Variants in HEMK2 observed in about 807,000 individuals in gnomAD.
The protein encoded by HEMK2 is HemK methyltransferase 2, ETF1 glutamine and histone H4 lysine.
the HEMK2 span, among the ~76,000 whole-genome samples, chr21:28,838,348 C>T: frequency 1.3e-5 from 2 of 151,446 alleles, no homozygotes; most frequent in Non-Finnish European, 2.9e-5. Flanking sequence ...TCCTGGCTAA[C>T]AAGGTGAAAC....
the HEMK2 span, among the ~76,000 whole-genome samples, chr21:28,866,151 AAAACAAAAACAAAC>A: frequency 4.7e-5 from 4 of 84,530 alleles, no homozygotes; most frequent in Non-Finnish European, 9.9e-5. Context: ...CTCTACAGAA[AAAACAAAAACAAAC>A]AAAAAAAAAA....
At chr21:28,821,553 G>T in the HEMK2 span, among the ~76,000 whole-genome samples, 3,994 of 152,152 alleles carry the variant, frequency 0.026, 178 homozygotes, top group African/African-American at 0.09. Context: ...CTTTTCCACC[G>T]CACCCCTTTA....
At chr21:28,583,183 C>A in the HEMK2 span, among the ~76,000 whole-genome samples, 4 of 152,008 alleles carry the variant, frequency 2.6e-5, no homozygotes, top group Admixed American at 2.6e-4. Flanking sequence ...GATGAAAATA[C>A]ATTTCTAAAT....
the HEMK2 span, among the ~76,000 whole-genome samples, chr21:28,805,193 C>T: frequency 0.042 from 6,362 of 152,194 alleles, 192 homozygotes; most frequent in East Asian, 0.16. Flanking sequence ...GCTATAAAGC[C>T]GACTTTATCA....
At chr21:28,787,691 C>T in the HEMK2 span, among the ~76,000 whole-genome samples, 3 of 151,964 alleles carry the variant, frequency 2.0e-5, no homozygotes, top group Non-Finnish European at 4.4e-5. Flanking sequence ...TGTCCATAAT[C>T]AAAAAATGAA....
the HEMK2 span, among the ~76,000 whole-genome samples, chr21:28,785,150 T>A: frequency 2.3e-3 from 348 of 152,060 alleles, 2 homozygotes; most frequent in African/African-American, 8.0e-3. Context: ...TCCAAACACA[T>A]CCAAACATCA....
At chr21:28,585,346 T>A in the HEMK2 span, among the ~76,000 whole-genome samples, 1 of 150,468 alleles carries the variant, frequency 6.6e-6, no homozygotes, top group Non-Finnish European at 1.5e-5. Flanking sequence ...AATAAATAAA[T>A]AAATAAATAA....
the HEMK2 span, among the ~76,000 whole-genome samples, chr21:28,841,093 ATTATATAT>A: frequency 2.3e-5 from 1 of 43,252 alleles, no homozygotes; most frequent in Admixed American, 4.4e-4. Context: ...TATTATATAT[ATTATATAT>A]TATATAATAA....
chr21:28,621,296 T>TTAAA, the HEMK2 span, among the ~76,000 whole-genome samples: 2 of 152,188 alleles, frequency 1.3e-5, no homozygotes, highest in South Asian at 4.1e-4. Flanking sequence ...AAAAACTTAT[T>TTAAA]TATTTCTGCC....
At chr21:28,804,515 G>A in the HEMK2 span, among the ~76,000 whole-genome samples, 2 of 152,112 alleles carry the variant, frequency 1.3e-5, no homozygotes, top group South Asian at 2.1e-4. Flanking sequence ...CAAGAGGATC[G>A]TTTGAGCCCA....
the HEMK2 span, among the ~76,000 whole-genome samples, chr21:28,590,142 T>G: frequency 6.6e-6 from 1 of 152,342 alleles, no homozygotes; most frequent in South Asian, 2.1e-4. Context: ...TGTTTTTTGC[T>G]TATTCTTTGC....
chr21:28,832,577 G>C, the HEMK2 span, among the ~76,000 whole-genome samples: 4 of 152,198 alleles, frequency 2.6e-5, no homozygotes, highest in Non-Finnish European at 5.9e-5. Flanking sequence ...AAATTGAGAA[G>C]ATTGTTCTGA....
chr21:28,684,341 C>T, the HEMK2 span, among the ~76,000 whole-genome samples: 1,354 of 152,340 alleles, frequency 8.9e-3, 24 homozygotes, highest in African/African-American at 0.031. Context: ...GAAGTTTTCA[C>T]TGGACCAATT....
At chr21:28,590,616 C>G in the HEMK2 span, among the ~76,000 whole-genome samples, 4 of 152,272 alleles carry the variant, frequency 2.6e-5, no homozygotes, top group Admixed American at 1.3e-4. Flanking sequence ...AGAAAAGACA[C>G]AGCATTAAAT....
the HEMK2 span, among the ~76,000 whole-genome samples, chr21:28,652,257 C>T: frequency 6.6e-6 from 1 of 152,186 alleles, no homozygotes; most frequent in Non-Finnish European, 1.5e-5. Context: ...GGCATTCACT[C>T]TCCCCTCTTC....
chr21:28,684,390 C>G, the HEMK2 span, among the ~76,000 whole-genome samples: 3 of 152,156 alleles, frequency 2.0e-5, no homozygotes, highest in Non-Finnish European at 4.4e-5. Context: ...CTAGGCTAAA[C>G]GGAAAAACAA....
At chr21:28,762,324 C>G in the HEMK2 span, among the ~76,000 whole-genome samples, 2 of 151,850 alleles carry the variant, frequency 1.3e-5, no homozygotes, top group African/African-American at 4.8e-5. Context: ...TTTTTAAATG[C>G]CTACAATATT....
the HEMK2 span, among the ~76,000 whole-genome samples, chr21:28,693,769 A>G: frequency 1.3e-5 from 2 of 152,232 alleles, no homozygotes; most frequent in Non-Finnish European, 2.9e-5. Flanking sequence ...TAACAGTGAC[A>G]CATTGGCAAT....
chr21:28,684,888 T>G, the HEMK2 span, among the ~76,000 whole-genome samples: 1,219 of 152,288 alleles, frequency 8.0e-3, 18 homozygotes, highest in African/African-American at 0.028. Context: ...ACCAAAAAGA[T>G]TTAAATGGTG....
Sources: allele counts gnomAD v4.1 joint callset (sites outside exome capture counted in the v4.1 genomes callset), GRCh38; gene constraint gnomAD v4.1.1; transcripts MANE v1.5; gene names NCBI Gene and HGNC (gene_info 2026-07-23, HGNC 2026-07-21).